FAM227B: variants seen among roughly 807,000 people sequenced by gnomAD.
FAM227B encodes the protein protein FAM227B.
A neutral mutation model predicts 73.8 loss-of-function variants in FAM227B; 88 were observed. The observed-to-expected ratio is 1.19, with a 90% CI of 1.00 to 1.42. The LOEUF is 1.42. FAM227B is among the 40% of genes most tolerant of loss of function. The pLI is 0.00. For synonymous variants in FAM227B, 210 were observed against 190.5 expected (o/e 1.10, Z -0.84); for missense variants, 632 against 590.9 (o/e 1.07, Z -0.72).
chr15:49,510,005 A>T (rs564824692), intron 10 of FAM227B, among the ~76,000 whole-genome samples: 1 of 152,258 alleles, frequency 6.6e-6, no homozygotes, highest in South Asian at 2.1e-4. Context: ...TTCCTCACAC[A>T]TCCCCAAGAC....
intron 11 of FAM227B, among the ~76,000 whole-genome samples, chr15:49,497,678 T>A (rs1294696880): frequency 6.9e-6 from 1 of 145,744 alleles, no homozygotes; most frequent in Non-Finnish European, 1.5e-5. Flanking sequence ...AGTCACAATC[T>A]AAGCAGAAGA....
At chr15:49,543,096 A>C (rs1406368021) in intron 9 of FAM227B, among the ~76,000 whole-genome samples, 1 of 152,064 alleles carries the variant, frequency 6.6e-6, no homozygotes, top group Non-Finnish European at 1.5e-5. Context: ...TGTTTTCCAT[A>C]GTTGTTTTAT....
rs1567172660 is a variant in FAM227B at position 49,372,111 on chromosome 15, CAT to C, written c.1013-714_1013-713del. ...ATTTATAAATAAATGAAATAAAATT[CAT>C]TTATAAATAAATGAAATAAAATTCA... On this transcript the variant is annotated intron_variant, in intron 11 of 15. Coordinates refer to ENST00000299338, the MANE Select transcript of FAM227B (RefSeq NM_152647.3). 1.8e-3 allele frequency among the ~76,000 whole-genome samples: 153 copies of C among 87,060 alleles called. 13 individuals are homozygous for C. Among genetic ancestry groups the C allele is most frequent in the African/African-American group, 4.3e-3 (97 of 22,400 alleles). 57.1% of individuals were successfully genotyped at this position (87,060 alleles called of 152,430 possible).
chr15:49,416,481 T>G (rs1206411850), intron 11 of FAM227B, among the ~76,000 whole-genome samples: 1 of 152,006 alleles, frequency 6.6e-6, no homozygotes, highest in Non-Finnish European at 1.5e-5. Context: ...CCACTTCTAT[T>G]CAGCATCGTA....
intron 13 of FAM227B, among the ~76,000 whole-genome samples, chr15:49,357,378 C>A (rs1267544679): frequency 1.4e-5 from 2 of 147,794 alleles, no homozygotes; most frequent in Non-Finnish European, 3.0e-5. Context: ...ATCAAATAGA[C>A]GCAATAAAAA....
chr15:49,538,573 T>C (rs1028316486), intron 10 of FAM227B, among the ~76,000 whole-genome samples: 29 of 152,276 alleles, frequency 1.9e-4, no homozygotes, highest in African/African-American at 7.0e-4. Flanking sequence ...TTCTCTCTCT[T>C]CATCTGAAAA....
chr15:49,561,719 G>C (rs1324501208), intron 9 of FAM227B, among the ~76,000 whole-genome samples: 2 of 152,054 alleles, frequency 1.3e-5, no homozygotes, highest in Non-Finnish European at 2.9e-5. Context: ...AAAATCACAT[G>C]AAAATTACAC....
chr15:49,430,136 G>A (rs1479797100), intron 11 of FAM227B, among the ~76,000 whole-genome samples: 5 of 151,980 alleles, frequency 3.3e-5, no homozygotes, highest in East Asian at 1.9e-4. Context: ...TCCAACATTT[G>A]GTGAACTGGC....
At chr15:49,544,065 T>A (rs1305754518) in intron 9 of FAM227B, among the ~76,000 whole-genome samples, 1 of 152,110 alleles carries the variant, frequency 6.6e-6, no homozygotes, top group Non-Finnish European at 1.5e-5. Flanking sequence ...TGCACTGAAT[T>A]TGTAGGTTGC....
At chr15:49,424,359 T>G in intron 11 of FAM227B, 3 of 1,613,676 alleles carry the variant, frequency 1.9e-6, no homozygotes, top group Non-Finnish European at 2.5e-6. Flanking sequence ...TGCTTTCACA[T>G]TATCTGTCTA....
At chr15:49,510,726 T>C (rs2058933193) in intron 10 of FAM227B, among the ~76,000 whole-genome samples, 1 of 152,140 alleles carries the variant, frequency 6.6e-6, no homozygotes, top group South Asian at 2.1e-4. Flanking sequence ...ATTTACGCCT[T>C]ATTTTGGTGG....
chr15:49,393,313 G>T (rs1015943630), intron 11 of FAM227B, among the ~76,000 whole-genome samples: 2 of 151,986 alleles, frequency 1.3e-5, no homozygotes. Flanking sequence ...TTTCCTCTTT[G>T]TTTGGAGCCA....
At chr15:49,358,704 CA>C (rs1199700640) in intron 13 of FAM227B, among the ~76,000 whole-genome samples, 4 of 151,246 alleles carry the variant, frequency 2.6e-5, no homozygotes, top group African/African-American at 7.3e-5. Context: ...ATCAAGCTAC[CA>C]ATGACTTTCT....
At chr15:49,460,247 G>C (rs1402142615) in intron 11 of FAM227B, among the ~76,000 whole-genome samples, 1 of 152,072 alleles carries the variant, frequency 6.6e-6, no homozygotes, top group African/African-American at 2.4e-5. Context: ...AGTGCCCCTA[G>C]AAGTAGGTAA....
chr15:49,612,033 C>CTT (rs58693077), intron 2 of FAM227B, among the ~76,000 whole-genome samples: 7,648 of 135,306 alleles, frequency 0.057, 333 homozygotes, highest in East Asian at 0.24. Context: ...GCTGAATTTT[C>CTT]TTTTTTTTTT....
chr15:49,594,087 T>C (rs2076749810), intron 3 of FAM227B, among the ~76,000 whole-genome samples: 1 of 151,860 alleles, frequency 6.6e-6, no homozygotes. Context: ...TCCACAACTA[T>C]ATTATATATA....
At chr15:49,566,875 G>A (rs949322533) in intron 9 of FAM227B, among the ~76,000 whole-genome samples, 2 of 152,114 alleles carry the variant, frequency 1.3e-5, no homozygotes, top group Non-Finnish European at 2.9e-5. Context: ...ATCAAATCAT[G>A]GTTTGAGAGA....
chr15:49,524,348 C>T (rs1018224573), intron 10 of FAM227B, among the ~76,000 whole-genome samples: 4 of 152,096 alleles, frequency 2.6e-5, no homozygotes, highest in Admixed American at 6.6e-5. Context: ...GGGGTGGAAG[C>T]CCCAAGCCTT....
intron 12 of FAM227B, among the ~76,000 whole-genome samples, chr15:49,369,453 T>A (rs1484327045): frequency 1.3e-5 from 2 of 152,080 alleles, no homozygotes; most frequent in Admixed American, 1.3e-4. Context: ...CTAGCCTAAA[T>A]TCAAAGAATC....
Sources: gnomAD v4.1 joint callset for allele counts (sites outside exome capture counted in the v4.1 genomes callset) on GRCh38, gnomAD v4.1.1 for gene constraint, MANE v1.5 for transcripts, NCBI Gene and HGNC (gene_info 2026-07-23, HGNC 2026-07-21) for gene names.